SASH1: variants seen among roughly 807,000 people sequenced by gnomAD.
The protein encoded by SASH1 is SAM and SH3 domain-containing protein 1.
SASH1 carries 44 observed loss-of-function variants against 125.2 expected under a neutral mutation model. The observed-to-expected ratio is 0.35, with a 90% CI of 0.28 to 0.45. The LOEUF is 0.45. SASH1 is among the 20% of genes least tolerant of loss of function. SASH1 has a pLI of 1.00. For synonymous variants in SASH1, 639 were observed against 649.1 expected, an observed-to-expected ratio of 0.98 and a Z score of 0.24; for missense variants, 1,426 against 1,614.5, an observed-to-expected ratio of 0.88 and a Z score of 2.00.
the SASH1 span, among the ~76,000 whole-genome samples, chr6:148,263,364 A>G: frequency 1.3e-5 from 2 of 152,350 alleles, no homozygotes; most frequent in South Asian, 2.1e-4. Context: ...TCACTGAGCT[A>G]GAACAGCATT....
At chr6:148,443,274 AG>A (rs1776623708) in intron 4 of SASH1, among the ~76,000 whole-genome samples, 1 of 150,138 alleles carries the variant, frequency 6.7e-6, no homozygotes, top group African/African-American at 2.4e-5. Flanking sequence ...TTTGTTGTTT[AG>A]GGTTTATTTG....
At chr6:148,525,234 A>G (rs1781072734) in intron 10 of SASH1, 57 bp from the exon 11 acceptor site, 3 of 1,325,932 alleles carry the variant, frequency 2.3e-6, no homozygotes, top group Non-Finnish European at 3.3e-6. Flanking sequence ...GGGTTGGTGC[A>G]CTGCCGGCTG....
chr6:148,334,240 C>T (rs192915532), intron 1 of SASH1, among the ~76,000 whole-genome samples: 43,914 of 137,446 alleles, frequency 0.32, 7,868 homozygotes, highest in Middle Eastern at 0.44. Flanking sequence ...CTGGCTAACA[C>T]GGTGAAACCC....
intron 11 of SASH1, among the ~76,000 whole-genome samples, chr6:148,526,018 T>C (rs916370744): frequency 1.3e-5 from 2 of 151,020 alleles, no homozygotes; most frequent in Non-Finnish European, 3.0e-5. Flanking sequence ...GAAATTTGCT[T>C]TCTCAGACCC....
intron 8 of SASH1, among the ~76,000 whole-genome samples, chr6:148,493,694 G>A (rs1249296309): frequency 2.0e-5 from 3 of 152,126 alleles, no homozygotes; most frequent in Admixed American, 6.5e-5. Flanking sequence ...AAATCCATAT[G>A]CACATTCCTA....
intron 2 of SASH1, among the ~76,000 whole-genome samples, chr6:148,421,205 G>GAAAGAAAGAA (rs879400069): frequency 7.2e-6 from 1 of 138,934 alleles, no homozygotes; most frequent in Admixed American, 7.0e-5. Flanking sequence ...AAGAAAGAAA[G>GAAAGAAAGAA]AAAGAAAGAA....
intron 8 of SASH1, chr6:148,508,663 G>A (rs1365622601): frequency 8.5e-7 from 1 of 1,171,272 alleles, no homozygotes; most frequent in Admixed American, 4.0e-5. Flanking sequence ...TGAATCCAGT[G>A]TCTTCCCCTT....
intron 12 of SASH1, among the ~76,000 whole-genome samples, chr6:148,528,151 A>G (rs142591821): frequency 0.02 from 3,086 of 152,286 alleles, 42 homozygotes; most frequent in Non-Finnish European, 0.032. Context: ...TGTAGCCATG[A>G]AGGAAGGTAT....
chr6:148,360,504 C>T (rs549145037), intron 1 of SASH1, among the ~76,000 whole-genome samples: 8 of 152,126 alleles, frequency 5.3e-5, no homozygotes, highest in African/African-American at 1.7e-4. Flanking sequence ...TGTGCTACCA[C>T]GTCCAGTTAA....
chr6:148,538,714 TC>T (rs1007413653), intron 16 of SASH1, among the ~76,000 whole-genome samples: 4 of 152,152 alleles, frequency 2.6e-5, no homozygotes, highest in African/African-American at 9.7e-5. Flanking sequence ...GCCTTCTGCC[TC>T]CCCGCATTTT....
intron 7 of SASH1, chr6:148,479,472 G>A (rs1274689308): frequency 1.6e-5 from 3 of 187,330 alleles, no homozygotes; most frequent in Non-Finnish European, 1.2e-5. Context: ...TGGGGCAAGA[G>A]AAAATGTTAA....
the SASH1 span, among the ~76,000 whole-genome samples, chr6:148,228,089 C>T: frequency 6.6e-6 from 1 of 152,120 alleles, no homozygotes; most frequent in Non-Finnish European, 1.5e-5. Flanking sequence ...ATCCTCTAAC[C>T]TCTAAACATA....
At chr6:148,220,948 T>C in the SASH1 span, among the ~76,000 whole-genome samples, 34 of 152,144 alleles carry the variant, frequency 2.2e-4, no homozygotes, top group African/African-American at 7.7e-4. Context: ...ATAGACCCCA[T>C]ATCTAACAAA....
At chr6:148,366,128 A>C (rs1782445825) in intron 1 of SASH1, among the ~76,000 whole-genome samples, 1 of 151,632 alleles carries the variant, frequency 6.6e-6, no homozygotes, top group African/African-American at 2.4e-5. Flanking sequence ...AGAAAAGAAA[A>C]AAAAAAATTA....
intron 1 of SASH1, among the ~76,000 whole-genome samples, chr6:148,325,360 T>A (rs1328146170): frequency 2.0e-5 from 3 of 152,020 alleles, no homozygotes; most frequent in Non-Finnish European, 4.4e-5. Context: ...CACTGCAACC[T>A]CTGCCTCCCG....
In SASH1 at chr6:148,329,129, G is replaced by T. The variant is rs541711528; in HGVS notation, n.74+56752G>T. Among the ~76,000 whole-genome samples, 10 of 152,234 alleles carry T rather than the reference G, an allele frequency of 6.6e-5. No individual in the cohort carries two copies. In the East Asian group the frequency reaches 1.2e-3, roughly 18 times the overall value. On this transcript the variant is annotated intron_variant and non_coding_transcript_variant, in intron 1 of 3. Coordinates refer to the SASH1 transcript ENST00000367469. ...CAAATGACCTCATTTCTAGAACAAG[G>T]CTTCTTTGTTAAGTGTCTCTTTGCT...
chr6:148,407,755 C>T (rs35646636), intron 2 of SASH1, among the ~76,000 whole-genome samples: 7,842 of 152,276 alleles, frequency 0.051, 259 homozygotes, highest in Non-Finnish European at 0.075. Flanking sequence ...GTCTCAGCCT[C>T]CCGAGTAGCT....
intron 1 of SASH1, among the ~76,000 whole-genome samples, chr6:148,362,578 G>C (rs1394716517): frequency 6.6e-6 from 1 of 151,460 alleles, no homozygotes; most frequent in Non-Finnish European, 1.5e-5. Flanking sequence ...AGTGAGGTGA[G>C]GGTGAGGGTG....
chr6:148,435,167 TCTGGCCAAGAGACCAGC>T (rs1166507309), intron 2 of SASH1, among the ~76,000 whole-genome samples: 1 of 151,930 alleles, frequency 6.6e-6, no homozygotes, highest in Non-Finnish European at 1.5e-5. Flanking sequence ...TGGAGACCAG[TCTGGCCAAGAGACCAGC>T]CTGGCCAATA....
Sources: gnomAD v4.1 joint callset for allele counts (sites outside exome capture counted in the v4.1 genomes callset) on GRCh38, gnomAD v4.1.1 for gene constraint, MANE v1.5 for transcripts, NCBI Gene and HGNC (gene_info 2026-07-23, HGNC 2026-07-21) for gene names.